The following MAP1B variants were observed in gnomAD, a reference collection of about 807,000 sequenced individuals.
The protein encoded by MAP1B is microtubule associated protein 1B, also known as microtubule-associated protein 1B.
A neutral mutation model predicts 176.1 loss-of-function variants in MAP1B; 12 were observed. The observed-to-expected ratio is 0.07, with a 90% CI of 0.04 to 0.11. The LOEUF is 0.11. MAP1B is among the 10% of genes least tolerant of loss of function. The probability of loss-of-function intolerance (pLI) is 1.00; values close to 1 mark genes in which losing one functional copy is unlikely to be tolerated. For missense variants in MAP1B, 2,523 were observed against 2,990.5 expected, an observed-to-expected ratio of 0.84 and a Z score of 3.65; for synonymous variants, 1,044 against 1,135.0, an observed-to-expected ratio of 0.92 and a Z score of 1.61.
intron 2 of MAP1B, among the ~76,000 whole-genome samples, chr5:72,125,835 G>A (rs777417739): frequency 1.7e-4 from 26 of 151,634 alleles, no homozygotes; most frequent in Non-Finnish European, 2.9e-5. Context: ...CTACATTTTA[G>A]ATTAAGCCCA....
Position 72,204,998 on chromosome 5 carries a change from G to C in MAP1B, c.7252-86G>C, listed in dbSNP as rs16876235. On this transcript the variant is annotated intron_variant, in intron 6 of 6. Transcript: ENST00000296755. The surrounding 1 kb of genome is among the most constrained non-coding windows in gnomAD (Gnocchi z 4.4). ...TTCTCTCATTTCCCTTCTTCTTCCA[G>C]TGGTCTAATACCTTGCTATTCAATT... The C allele has an allele frequency of 0.034, 31,261 of 912,068 alleles. 902 individuals are homozygous for C. Among genetic ancestry groups the C allele is most frequent in the African/African-American group, 0.12 (7,276 of 59,564 alleles). 56.5% of individuals were successfully genotyped at this position (912,068 alleles called of 1,614,324 possible). A position where few individuals can be genotyped will look rare whatever the true frequency, so the allele number is the denominator to read the frequency against.
intron 2 of MAP1B, among the ~76,000 whole-genome samples, chr5:72,135,630 T>A (rs1745825488): frequency 6.6e-6 from 1 of 152,216 alleles, no homozygotes; most frequent in Admixed American, 6.5e-5. Context: ...TAGAAACCCT[T>A]ACAATAGTTC....
rs1253957805 is a variant in MAP1B, at chr5:72,200,973, G to A, written c.7012+606G>A. Among the ~76,000 whole-genome samples the A allele has an allele frequency of 4.6e-5, 7 of 152,086 alleles. No individual in the cohort carries two copies. In the South Asian group the frequency reaches 6.2e-4, roughly 14 times the overall value. ...AATTTCAGTTGACCAGTGAGTGTCC[G>A]GTGAAAATTGAGAGAAAAACATTGA... On this transcript the variant is annotated intron_variant, in intron 5 of 6. Transcript: ENST00000296755.
rs772868090 is a variant in MAP1B at position 72,195,695 on chromosome 5, G to A, written c.2340G>A (p.Gly780=). 3 of 1,614,228 alleles carry A rather than the reference G, an allele frequency of 1.9e-6. No homozygotes were observed. Among genetic ancestry groups the A allele is most frequent in the South Asian group, 2.2e-5 (2 of 91,092 alleles). The change falls in exon 5 of 7, where the codon GGG becomes GGA. Residue 780 remains glycine (G), a synonymous_variant. Transcript: ENST00000296755. ...SVAAGKPKEK[G]KIKVIKKEGK... ...CTGCCGGAAAGCCAAAGGAGAAGGGGAAAATAAAAGTCATTAAGAAGGAAG... is the reference window on the plus strand; with the variant it reads ...CTGCCGGAAAGCCAAAGGAGAAGGGAAAAATAAAAGTCATTAAGAAGGAAG...
intron 2 of MAP1B, among the ~76,000 whole-genome samples, chr5:72,156,270 C>A (rs973281450): frequency 6.6e-6 from 1 of 152,232 alleles, no homozygotes; most frequent in Admixed American, 6.5e-5. Flanking sequence ...CACCTCTGCT[C>A]CTCAACCTCA....
At chr5:72,164,980 G>A (rs1050419228) in intron 2 of MAP1B, among the ~76,000 whole-genome samples, 7 of 151,882 alleles carry the variant, frequency 4.6e-5, no homozygotes, top group African/African-American at 1.7e-4. Flanking sequence ...TTACCTGTTA[G>A]CAATTGGACA....
rs2112242008 is a variant in MAP1B, at chr5:72,198,701, T to C, written c.5346T>C (p.Ser1782=). 2 of 1,614,194 alleles carry C rather than the reference T, an allele frequency of 1.2e-6. No individual in the cohort carries two copies. Among genetic ancestry groups the C allele is most frequent in the Non-Finnish European group, 8.5e-7 (1 of 1,180,032 alleles). ...SLEGEKLSPK[S]DISPLTPRES... ...AAGGAGAGAAGCTCTCTCCAAAATC[T>C]GATATCTCTCCACTCACCCCACGAG... is the stretch of plus-strand genomic sequence containing the variant. Residue 1782 remains serine (S), a synonymous_variant, in exon 5 of 7, where the codon TCT becomes TCC. Coordinates refer to ENST00000296755, the MANE Select transcript of MAP1B (RefSeq NM_005909.5).
chr5:72,146,007 G>C (rs1746039221), intron 2 of MAP1B, among the ~76,000 whole-genome samples: 1 of 152,212 alleles, frequency 6.6e-6, no homozygotes, highest in Non-Finnish European at 1.5e-5. Context: ...GGTCAAAGAA[G>C]AGACGCATTG....
At chr5:72,193,062 C>T (rs1250926444) in intron 4 of MAP1B, among the ~76,000 whole-genome samples, 2 of 152,194 alleles carry the variant, frequency 1.3e-5, no homozygotes, top group Non-Finnish European at 2.9e-5. Context: ...TAAACATGAG[C>T]AAATGGGGAA....
chr5:72,140,485 A>G (rs1208010894), intron 2 of MAP1B, among the ~76,000 whole-genome samples: 3 of 152,188 alleles, frequency 2.0e-5, no homozygotes, highest in Non-Finnish European at 4.4e-5. Flanking sequence ...GAACACTGGT[A>G]TAGAGGTTTT....
At chr5:72,134,453 A>C (rs1745793488) in intron 2 of MAP1B, among the ~76,000 whole-genome samples, 2 of 152,214 alleles carry the variant, frequency 1.3e-5, no homozygotes, top group Non-Finnish European at 2.9e-5. Context: ...GGATGATGTC[A>C]TTGCATGTCA....
chr5:72,142,169 C>T (rs779809595), intron 2 of MAP1B, among the ~76,000 whole-genome samples: 60 of 152,218 alleles, frequency 3.9e-4, no homozygotes, highest in Admixed American at 6.5e-4. Flanking sequence ...CCCTGTGACC[C>T]TCACTCTTCC....
At chr5:72,183,870 T>C in intron 3 of MAP1B, 45 bp downstream of exon 3, 2 of 1,531,056 alleles carry the variant, frequency 1.3e-6, no homozygotes, top group East Asian at 4.5e-5. Context: ...CCCCACACAC[T>C]GGATAGGGAC....
rs1025025247 is a variant in MAP1B at position 72,186,047 on chromosome 5, C to T, written c.370-567C>T. Among the ~76,000 whole-genome samples, 1 of 152,196 alleles carries T rather than the reference C, an allele frequency of 6.6e-6. No individual in the cohort carries two copies. The highest frequency in any genetic ancestry group is 1.5e-5 in the Non-Finnish European group (1 of 68,048). On this transcript the variant is annotated intron_variant, in intron 3 of 6. Transcript: ENST00000296755. The surrounding 1 kb of genome is among the most constrained non-coding windows in gnomAD (Gnocchi z 4.3). ...TTTCTTTATATTCAATGTCAAGCAC[C>T]TTACTGATGCCACTGGAGACTGCCG...
chr5:72,110,925 G>A (rs969876569), intron 1 of MAP1B, among the ~76,000 whole-genome samples: 1 of 152,170 alleles, frequency 6.6e-6, no homozygotes, highest in Admixed American at 6.6e-5. Context: ...GAAGAGAGAT[G>A]GTCCCTCTTG....
chr5:72,194,880 G>T lies in MAP1B; in HGVS notation c.1525G>T (p.Asp509Tyr), dbSNP rs766719101. 1.2e-6 allele frequency: 2 copies of T among 1,614,118 alleles called. No individual in the cohort carries two copies. Among genetic ancestry groups the T allele is most frequent in the South Asian group, 2.2e-5 (2 of 91,078 alleles). Residue 509 changes from aspartate to tyrosine, a missense_variant, in exon 5 of 7, where the codon GAC (aspartate) becomes TAC (tyrosine). Physicochemically the swap from Asp to Tyr is radical, Grantham distance 160 (BLOSUM62 -3). This residue lies in a region of MAP1B where 1,925 missense variants were observed against 2,126.0 expected (regional missense o/e 0.91). Transcript: ENST00000296755. This position sits in a 1 kb window ranked among gnomAD's most constrained non-coding sequence, Gnocchi z 7.2. ...AGGGTTGGAAAAGCTCAAACATCTA[G>T]ACTTTCTGAAGCAGCCACTGGCCAC... is the stretch of plus-strand genomic sequence containing the variant. ...LEGLEKLKHLDFLKQPLATQK... is the reference protein window; with the variant it reads ...LEGLEKLKHLYFLKQPLATQK...
At chr5:72,172,388 G>C (rs533905491) in intron 2 of MAP1B, among the ~76,000 whole-genome samples, 1 of 152,128 alleles carries the variant, frequency 6.6e-6, no homozygotes, top group Non-Finnish European at 1.5e-5. Context: ...TAGATTCTAG[G>C]TTTAATATGT....
chr5:72,143,312 C>A (rs1284333486), intron 2 of MAP1B, among the ~76,000 whole-genome samples: 4 of 152,106 alleles, frequency 2.6e-5, no homozygotes, highest in Admixed American at 6.5e-5. Flanking sequence ...AATACATTTC[C>A]TTTTTAGGGC....
intron 1 of MAP1B, 150 bp from the exon 2 acceptor site, chr5:72,115,548 G>T: frequency 1.6e-6 from 1 of 613,222 alleles, no homozygotes; most frequent in South Asian, 1.8e-5. Flanking sequence ...CTCCCATTTT[G>T]TGGGCATCCA....
Sources: gnomAD v4.1 joint callset for allele counts (sites outside exome capture counted in the v4.1 genomes callset) on GRCh38, gnomAD v4.1.1 for gene constraint, gnomAD v4.1.1 regional missense constraint, Gnocchi (gnomAD v3.1) non-coding constraint, MANE v1.5 for transcripts, NCBI Gene and HGNC (gene_info 2026-07-23, HGNC 2026-07-21) for gene names.